RANBP2: variants seen among roughly 807,000 people sequenced by gnomAD.
The protein encoded by RANBP2 is RAN binding protein 2, also known as E3 SUMO-protein ligase RanBP2.
In RANBP2, 57 loss-of-function variants were observed where a neutral mutation model predicts 303.6. That is an observed-to-expected ratio of 0.19 (90% CI 0.15 to 0.23). The LOEUF (loss-of-function observed/expected upper bound fraction) is 0.23. Among genes scored for constraint, RANBP2 ranks in the 10% least tolerant of loss-of-function variants. The probability of loss-of-function intolerance (pLI) is 1.00; values close to 1 mark genes in which losing one functional copy is unlikely to be tolerated. For synonymous variants in RANBP2, 1,167 were observed against 1,301.5 expected (o/e 0.90, Z 2.23); for missense variants, 3,138 against 3,780.8 (o/e 0.83, Z 4.46).
chr2:108,875,330 AAAAAAAG>A, the RANBP2 span, among the ~76,000 whole-genome samples: 25 of 136,286 alleles, frequency 1.8e-4, no homozygotes, highest in South Asian at 4.3e-4. Context: ...AAAAAAAAAA[AAAAAAAG>A]AAACAAATTC....
chr2:109,035,169 A>G, the RANBP2 span, among the ~76,000 whole-genome samples: 2 of 152,206 alleles, frequency 1.3e-5, no homozygotes, highest in Non-Finnish European at 2.9e-5. Context: ...ATCAAAAAGT[A>G]GTTTGTACCA....
At chr2:108,859,310 A>G in the RANBP2 span, among the ~76,000 whole-genome samples, 149 of 152,242 alleles carry the variant, frequency 9.8e-4, 1 homozygote, top group African/African-American at 3.5e-3. Flanking sequence ...CCTTTGTTGG[A>G]TGCAGAATTT....
rs370618905 is a variant in RANBP2 at position 108,740,063 on chromosome 2, G to T, written c.783-426G>T. ...AAAAGAGCAATTACTGTATTGATACGCAAATACCTGTCAGTTATTTACTTA... is the reference window on the plus strand; with the variant it reads ...AAAAGAGCAATTACTGTATTGATACTCAAATACCTGTCAGTTATTTACTTA... On this transcript the variant is annotated intron_variant, in intron 6 of 28. Transcript: ENST00000283195. 4.3e-4 allele frequency among the ~76,000 whole-genome samples: 65 copies of T among 152,130 alleles called. No homozygotes were observed. In the East Asian group the frequency reaches 6.2e-3, roughly 14 times the overall value.
At chr2:109,200,982 G>T in the RANBP2 span, among the ~76,000 whole-genome samples, 1 of 152,174 alleles carries the variant, frequency 6.6e-6, no homozygotes, top group African/African-American at 2.4e-5. Flanking sequence ...CCGGGCTGCT[G>T]CTGGGGACAA....
chr2:108,720,530 A>G (rs2149052220), intron 1 of RANBP2, among the ~76,000 whole-genome samples: 1 of 152,320 alleles, frequency 6.6e-6, no homozygotes, highest in Non-Finnish European at 1.5e-5. Flanking sequence ...AGAAGCTATT[A>G]AAGGTGGATG....
chr2:109,272,234 C>G, the RANBP2 span, among the ~76,000 whole-genome samples: 1 of 152,234 alleles, frequency 6.6e-6, no homozygotes, highest in Non-Finnish European at 1.5e-5. Flanking sequence ...TAGTAAGCTG[C>G]TTCTTGCTTG....
the RANBP2 span, among the ~76,000 whole-genome samples, chr2:109,321,463 TA>T: frequency 2.0e-5 from 3 of 152,270 alleles, no homozygotes; most frequent in East Asian, 5.8e-4. Context: ...ATAGTATTTT[TA>T]AAATTAGATT....
chr2:109,737,352 G>A, the RANBP2 span: 15 of 688,622 alleles, frequency 2.2e-5, no homozygotes, highest in African/African-American at 5.4e-5. Context: ...CCACCCCTTC[G>A]CCAAGGTTCC....
chr2:109,407,840 C>CT, the RANBP2 span, among the ~76,000 whole-genome samples: 1 of 152,202 alleles, frequency 6.6e-6, no homozygotes, highest in Non-Finnish European at 1.5e-5. Flanking sequence ...CAATCCTGGC[C>CT]TTTAAGTGGG....
At chr2:109,218,728 G>C in the RANBP2 span, among the ~76,000 whole-genome samples, 8 of 152,280 alleles carry the variant, frequency 5.3e-5, no homozygotes, top group African/African-American at 1.9e-4. Flanking sequence ...TTGGCACTTT[G>C]TTCTCTAAGT....
the RANBP2 span, among the ~76,000 whole-genome samples, chr2:109,014,130 A>G: frequency 6.6e-6 from 1 of 152,220 alleles, no homozygotes; most frequent in African/African-American, 2.4e-5. Flanking sequence ...TTAGTAAGCC[A>G]TTGAAATCCA....
the RANBP2 span, among the ~76,000 whole-genome samples, chr2:108,991,033 A>T: frequency 1.3e-5 from 2 of 152,256 alleles, no homozygotes; most frequent in Admixed American, 1.3e-4. Context: ...AAAATTTACC[A>T]AAAGGAATGA....
chr2:109,387,573 TCTC>T, the RANBP2 span, among the ~76,000 whole-genome samples: 1 of 151,944 alleles, frequency 6.6e-6, no homozygotes, highest in Non-Finnish European at 1.5e-5. Context: ...CCCTCCCACA[TCTC>T]CTCAAGGTCT....
the RANBP2 span, among the ~76,000 whole-genome samples, chr2:109,112,094 C>T: frequency 7.9e-5 from 12 of 151,484 alleles, no homozygotes; most frequent in Non-Finnish European, 1.2e-4. Flanking sequence ...AATAAACATA[C>T]GTGTGCATGT....
At chr2:108,973,309 G>A in the RANBP2 span, among the ~76,000 whole-genome samples, 61 of 152,246 alleles carry the variant, frequency 4.0e-4, no homozygotes, top group Non-Finnish European at 1.3e-4. Context: ...GTATAGTGCC[G>A]CCTCCCTGCA....
At chr2:109,375,401 C>T in the RANBP2 span, among the ~76,000 whole-genome samples, 1 of 152,218 alleles carries the variant, frequency 6.6e-6, no homozygotes, top group Non-Finnish European at 1.5e-5. Flanking sequence ...GCGCCCCTTG[C>T]CAGGAGCCTA....
the RANBP2 span, among the ~76,000 whole-genome samples, chr2:109,195,993 C>A: frequency 6.6e-6 from 1 of 152,228 alleles, no homozygotes; most frequent in Non-Finnish European, 1.5e-5. Flanking sequence ...ACCAGAAACT[C>A]CCATTTGCAG....
chr2:109,475,570 C>T, the RANBP2 span, among the ~76,000 whole-genome samples: 1 of 152,212 alleles, frequency 6.6e-6, no homozygotes, highest in African/African-American at 2.4e-5. Flanking sequence ...AGGCTGACAC[C>T]TGCCCTGTAG....
Position 108,765,795 on chromosome 2 carries a change from ACAAAAT to A in RANBP2, c.5261_5266del (p.Asn1754_Gln1755del), listed in dbSNP as rs755852586. ...GTATTGCTTGTCAGTGTCCAAGTAA[ACAAAAT>A]CAAACAACTGCAATTTCAACACCTG... On this transcript the variant is annotated inframe_deletion, in exon 20 of 29. Transcript: ENST00000283195. 13 of 1,614,192 alleles carry A rather than the reference ACAAAAT, an allele frequency of 8.1e-6. No homozygotes were observed. In the Admixed American group the frequency reaches 1.2e-4, roughly 14 times the overall value.
Sources: allele counts gnomAD v4.1 joint callset (sites outside exome capture counted in the v4.1 genomes callset), GRCh38; gene constraint gnomAD v4.1.1; transcripts MANE v1.5; gene names NCBI Gene and HGNC (gene_info 2026-07-23, HGNC 2026-07-21).